The following GCNT4 variants were observed in gnomAD, a reference collection of about 807,000 sequenced individuals.
GCNT4 encodes the protein glucosaminyl (N-acetyl) transferase 4, also known as beta-1,3-galactosyl-O-glycosyl-glycoprotein beta-1,6-N-acetylglucosaminyltransferase 4.
A neutral mutation model predicts 31.3 loss-of-function variants in GCNT4; 17 were observed. The observed-to-expected ratio is 0.54, with a 90% CI of 0.37 to 0.81. The LOEUF is 0.81. GCNT4 is among the 40% of genes least tolerant of loss of function. GCNT4 has a pLI of 0.00. For synonymous variants in GCNT4, 158 were observed against 190.6 expected, an observed-to-expected ratio of 0.83 and a Z score of 1.41; for missense variants, 503 against 525.5, an observed-to-expected ratio of 0.96 and a Z score of 0.42.
intron 3 of GCNT4, chr5:75,047,694 A>C (rs925032755): frequency 6.6e-6 from 1 of 152,128 alleles, no homozygotes; most frequent in African/African-American, 2.4e-5. Flanking sequence ...ATCATGTATG[A>C]GCAACATTTT....
At chr5:75,017,323 C>T in the GCNT4 span, 1 of 152,156 alleles carries the variant, frequency 6.6e-6, no homozygotes, top group Non-Finnish European at 1.5e-5. Context: ...CAAGATAAAA[C>T]AAAAGCTGGG....
At chr5:75,045,100 T>C (rs555329782) in intron 3 of GCNT4, among the ~76,000 whole-genome samples, 37 of 152,378 alleles carry the variant, frequency 2.4e-4, no homozygotes, top group Non-Finnish European at 4.6e-4. Context: ...AATTAGTTGA[T>C]GAACATATTC....
Position 75,029,098 on chromosome 5 carries a change from A to C in GCNT4, c.940T>G (p.Tyr314Asp), listed in dbSNP as rs769414507. ...TGAACGATGGAGTTGTTGAAAATAT[A>C]TTTAACAAATGCTTGACTTAAAACA... ...YFVLSQAFVKYIFNNSIVQDF... is the reference protein window; with the variant it reads ...YFVLSQAFVKDIFNNSIVQDF... Residue 314 changes from tyrosine to aspartate, a missense_variant, in exon 4 of 4, where the codon TAT becomes GAT. Transcript: ENST00000652361. The C allele has an allele frequency of 6.2e-7, 1 of 1,614,142 alleles. No homozygotes were observed. The highest frequency in any genetic ancestry group is 1.1e-5 in the South Asian group (1 of 91,080).
rs143676499 is a variant in GCNT4, at chr5:75,030,136, TG to T, written c.-1-99del. The stretch of plus-strand genomic sequence containing the variant: ...GGGCGCCTACCACATACTAGGCAAA[TG>T]CTGCCCCAAAGATGAATGAAACAAG... On this transcript the variant is annotated intron_variant, in intron 3 of 3. Transcript: ENST00000652361. 8.7e-3 allele frequency: 9,440 copies of T among 1,089,490 alleles called. 138 individuals carry two copies. The highest frequency in any genetic ancestry group is 0.058 in the African/African-American group (3,706 of 63,368). The allele number at this position is 1,089,490 out of a possible 1,614,324, so 67.5% of individuals were successfully genotyped here.
chr5:75,034,736 T>C (rs1743157717), intron 3 of GCNT4, among the ~76,000 whole-genome samples: 1 of 152,238 alleles, frequency 6.6e-6, no homozygotes, highest in South Asian at 2.1e-4. Context: ...TTGGTGGCTA[T>C]AACTCAGGTG....
chr5:75,047,225 A>C (rs1257675176), intron 3 of GCNT4, among the ~76,000 whole-genome samples: 1 of 152,162 alleles, frequency 6.6e-6, no homozygotes, highest in Non-Finnish European at 1.5e-5. Context: ...TTCTTAAGTC[A>C]ATTTAATTCT....
chr5:75,032,571 G>A (rs1164134012), intron 3 of GCNT4, among the ~76,000 whole-genome samples: 2 of 151,896 alleles, frequency 1.3e-5, no homozygotes, highest in African/African-American at 4.8e-5. Context: ...CTCCATCCCC[G>A]CTGCCAAGTC....
At position 75,042,924 on chromosome 5, in the gene GCNT4, A is replaced by C. The variant is rs1177665422; in HGVS notation, c.-2+4973T>G. ...GACTCAGGAATTCAAAAATTAAGTT[A>C]AAAGGATGGAAGAAATAAAAATCTG... On this transcript the variant is annotated intron_variant, in intron 3 of 3. Transcript: ENST00000652361. Among the ~76,000 whole-genome samples, 3 of 152,294 alleles carry C rather than the reference A, an allele frequency of 2.0e-5. No homozygotes were observed. The East Asian group carries it at 5.8e-4, about 29-fold the overall frequency.
At chr5:75,046,667 A>G (rs2149975758) in intron 3 of GCNT4, among the ~76,000 whole-genome samples, 1 of 152,292 alleles carries the variant, frequency 6.6e-6, no homozygotes, top group East Asian at 1.9e-4. Flanking sequence ...CCTTAACTAG[A>G]TTAGAAACCA....
At chr5:75,041,198 G>A (rs1456457837) in intron 3 of GCNT4, among the ~76,000 whole-genome samples, 2 of 152,178 alleles carry the variant, frequency 1.3e-5, no homozygotes, top group Non-Finnish European at 2.9e-5. Flanking sequence ...TAAGGACCAC[G>A]GAACCCACAA....
At chr5:75,050,219 G>T (rs956656736) in intron 2 of GCNT4, among the ~76,000 whole-genome samples, 1 of 152,202 alleles carries the variant, frequency 6.6e-6, no homozygotes, top group Non-Finnish European at 1.5e-5. Context: ...ACATTTGTAT[G>T]ATCTGTGAAG....
chr5:75,035,354 C>CT (rs1743172558), intron 3 of GCNT4, among the ~76,000 whole-genome samples: 1 of 152,180 alleles, frequency 6.6e-6, no homozygotes. Flanking sequence ...GAGAGGAAGA[C>CT]TGAGGAAAAA....
intron 3 of GCNT4, among the ~76,000 whole-genome samples, chr5:75,032,870 GGGGTGTGTGTGT>G (rs1743096567): frequency 1.2e-5 from 1 of 82,032 alleles, no homozygotes; most frequent in Admixed American, 1.4e-4. Context: ...ATCCCAAATA[GGGGTGTGTGTGT>G]GTGTGTGTGT....
At chr5:75,034,526 T>C (rs1167894531) in intron 3 of GCNT4, among the ~76,000 whole-genome samples, 11 of 152,220 alleles carry the variant, frequency 7.2e-5, no homozygotes, top group African/African-American at 2.7e-4. Flanking sequence ...TAAAGGCTTA[T>C]GGGCAGGAAG....
At chr5:75,024,625 G>C (rs1198629296), downstream of GCNT4, among the ~76,000 whole-genome samples, 1 of 152,096 alleles carries the variant, frequency 6.6e-6, no homozygotes, top group African/African-American at 2.4e-5. Context: ...GGGGACACTG[G>C]GGGTGTCTGC....
At chr5:75,033,505 A>G (rs1743122015) in intron 3 of GCNT4, among the ~76,000 whole-genome samples, 1 of 152,046 alleles carries the variant, frequency 6.6e-6, no homozygotes, top group Non-Finnish European at 1.5e-5. Context: ...TTTCTGATAT[A>G]CCTTCGCCCA....
At chr5:75,025,032 C>G (rs1050709874), downstream of GCNT4, among the ~76,000 whole-genome samples, 1 of 148,084 alleles carries the variant, frequency 6.8e-6, no homozygotes, top group African/African-American at 2.5e-5. Flanking sequence ...ATAAAAAGTT[C>G]AACCTACCCT....
rs1428725383 is a variant in GCNT4 at position 75,026,303 on chromosome 5, T to G, written c.*2373A>C. The G allele has an allele frequency of 6.6e-6, 1 of 152,152 alleles. No homozygotes were observed. The highest frequency in any genetic ancestry group is 1.5e-5 in the Non-Finnish European group (1 of 68,004). The allele number at this position is 152,152 out of a possible 1,614,324, so 9.4% of individuals were successfully genotyped here. ...ATGAGCAAAGGCATAAAAACCAAGA[T>G]TTCAACAGGATTTCGTGTATTTCAT... On this transcript the variant is annotated 3_prime_UTR_variant, in exon 4 of 4. Transcript: ENST00000652361.
chr5:75,039,867 C>T (rs993599152), intron 3 of GCNT4, among the ~76,000 whole-genome samples: 2 of 152,162 alleles, frequency 1.3e-5, no homozygotes, highest in African/African-American at 2.4e-5. Context: ...TCCCTAATCC[C>T]ACTCCCTACA....
Sources: allele counts gnomAD v4.1 joint callset (sites outside exome capture counted in the v4.1 genomes callset), GRCh38; gene constraint gnomAD v4.1.1; transcripts MANE v1.5; gene names NCBI Gene and HGNC (gene_info 2026-07-23, HGNC 2026-07-21).